Variants in ACSM2A observed in about 807,000 individuals in gnomAD.
ACSM2A encodes the protein acyl-coenzyme A synthetase ACSM2A, mitochondrial.
ACSM2A carries 72 observed loss-of-function variants against 76.6 expected under a neutral mutation model. The ratio of observed to expected loss-of-function variants is 0.94; its 90% confidence interval spans 0.78 to 1.14. The LOEUF is 1.14. Among genes scored for constraint, ACSM2A ranks in the 50% most tolerant of loss-of-function variants. The pLI is 0.00. For synonymous variants in ACSM2A, 249 were observed against 255.9 expected, an observed-to-expected ratio of 0.97 and a Z score of 0.26; for missense variants, 684 against 708.5, an observed-to-expected ratio of 0.97 and a Z score of 0.39.
At chr16:20,458,324 T>G (rs2012327434) in intron 1 of ACSM2A, among the ~76,000 whole-genome samples, 1 of 147,730 alleles carries the variant, frequency 6.8e-6, no homozygotes, top group South Asian at 2.1e-4. Flanking sequence ...TGTATCTATA[T>G]ATCTATATAT....
intron 2 of ACSM2A, among the ~76,000 whole-genome samples, chr16:20,460,608 CGTA>C (rs755427325): frequency 6.6e-4 from 99 of 151,112 alleles, no homozygotes; most frequent in Non-Finnish European, 1.1e-3. Flanking sequence ...GGTCTGGGGT[CGTA>C]GAAGAGGCGG....
At chr16:20,469,053 A>G (rs2013200972) in intron 3 of ACSM2A, among the ~76,000 whole-genome samples, 1 of 152,212 alleles carries the variant, frequency 6.6e-6, no homozygotes, top group Admixed American at 6.5e-5. Context: ...ACTCTCATCT[A>G]AGAAAAATGC....
intron 13 of ACSM2A, among the ~76,000 whole-genome samples, chr16:20,484,662 A>G (rs1216567533): frequency 1.3e-5 from 2 of 149,904 alleles, no homozygotes; most frequent in Non-Finnish European, 3.0e-5. Flanking sequence ...ACTGTGACTT[A>G]GTCTCAATGG....
intron 6 of ACSM2A, chr16:20,474,372 T>A (rs2013599221): frequency 5.6e-6 from 1 of 179,348 alleles, no homozygotes; most frequent in African/African-American, 2.4e-5. Context: ...AGAGTGGGTC[T>A]GTTATATAAA....
chr16:20,487,571 C>A lies in ACSM2A; in HGVS notation c.*893C>A, dbSNP rs2014441846. 1 of 152,232 alleles carries A rather than the reference C, an allele frequency of 6.6e-6. No homozygotes were observed. The highest frequency in any genetic ancestry group is 1.5e-5 in the Non-Finnish European group (1 of 68,038). 9.4% of individuals were successfully genotyped at this position (152,232 alleles called of 1,614,324 possible). On this transcript the variant is annotated 3_prime_UTR_variant, in exon 14 of 14. Transcript: ENST00000573854. ...AGACCTTAGATCATAGCTGTGAGAA[C>A]AACGTAAGCACTGCCAAAGTTATCA... is the stretch of plus-strand genomic sequence containing the variant.
At chr16:20,473,810 C>T (rs191923846) in intron 6 of ACSM2A, 5 of 240,968 alleles carry the variant, frequency 2.1e-5, no homozygotes, top group African/African-American at 7.1e-5. Context: ...AACATCAATA[C>T]AGACTTTAAG....
chr16:20,462,951 A>C (rs1215290251), intron 2 of ACSM2A, among the ~76,000 whole-genome samples: 1 of 151,844 alleles, frequency 6.6e-6, no homozygotes, highest in African/African-American at 2.4e-5. Context: ...ACAAAAAATA[A>C]ACCATCATTC....
intron 8 of ACSM2A, 175 bp downstream of exon 8, chr16:20,475,948 C>T (rs908015632): frequency 4.3e-6 from 6 of 1,409,830 alleles, no homozygotes; most frequent in Admixed American, 4.9e-5. Context: ...ACAAAAAAGG[C>T]AAAGTTCCTG....
At chr16:20,453,595 T>G (rs1312230649) in intron 1 of ACSM2A, 1 of 125,170 alleles carries the variant, frequency 8.0e-6, no homozygotes, top group Admixed American at 7.7e-5. Context: ...GAACAGAATA[T>G]CAGTGATTTT....
At position 20,471,676 on chromosome 16, in the gene ACSM2A, T is replaced by C. The variant is rs1463216974; in HGVS notation, c.881T>C (p.Leu294Pro). 6.2e-7 allele frequency: 1 copy of C among 1,613,506 alleles called. No homozygotes were observed. The highest frequency in any genetic ancestry group is 8.5e-7 in the Non-Finnish European group (1 of 1,179,590). Residue 294 changes from leucine to proline, a missense_variant, in exon 6 of 14, where the codon CTG becomes CCG. This residue lies in a region of ACSM2A where 519 missense variants were observed against 549.5 expected (regional missense o/e 0.94). Transcript: ENST00000573854. Reference protein sequence around the residue: ...FVHLLPKFDPLVILKTLSSYP... With the variant: ...FVHLLPKFDPPVILKTLSSYP... ...CATCTCTTGCCAAAGTTTGACCCAC[T>C]GGTTATTCTAAAGGTAAGAGAGGAT...
Position 20,480,719 on chromosome 16 carries a change from T to C in ACSM2A, c.1409+19T>C. The C allele has an allele frequency of 6.2e-7, 1 of 1,603,294 alleles. No homozygotes were observed. Among genetic ancestry groups the C allele is most frequent in the Non-Finnish European group, 8.5e-7 (1 of 1,173,472 alleles). On this transcript the variant is annotated intron_variant, in intron 11 of 13. Coordinates refer to ENST00000573854, the MANE Select transcript of ACSM2A (RefSeq NM_001308172.2). Reference sequence around the variant, plus strand: ...CCAGCGGGTGAGCTTGGTTTCTGGGTTGGGAAGGGAAATCTGGGTCTTTAC... The same window carrying C: ...CCAGCGGGTGAGCTTGGTTTCTGGGCTGGGAAGGGAAATCTGGGTCTTTAC...
Position 20,472,017 on chromosome 16 carries a change from G to A in ACSM2A, c.894+328G>A, listed in dbSNP as rs541374110. Among the ~76,000 whole-genome samples, 22 of 152,304 alleles carry A rather than the reference G, an allele frequency of 1.4e-4. 1 individual carries two copies. The South Asian group carries it at 2.3e-3, about 16-fold the overall frequency. On this transcript the variant is annotated intron_variant, in intron 6 of 13. Coordinates refer to ENST00000573854, the MANE Select transcript of ACSM2A (RefSeq NM_001308172.2). Reference sequence around the variant, plus strand: ...GAACCACGTGTAAAAGGGAAAGCTGGAGTATTGGAGGGGATGCCATCTCGC... The same window carrying A: ...GAACCACGTGTAAAAGGGAAAGCTGAAGTATTGGAGGGGATGCCATCTCGC...
In ACSM2A at chr16:20,476,612, A is replaced by T. The variant is rs887491001; in HGVS notation, c.1099-757A>T. On this transcript the variant is annotated intron_variant, in intron 8 of 13. Transcript: ENST00000573854. ...ACATGTTTAGGATATGCTTACAAGG[A>T]CACTCAGGTTCCCATGATCTTAATC... is the stretch of plus-strand genomic sequence containing the variant. The T allele has an allele frequency of 4.1e-6, 4 of 985,578 alleles. No individual in the cohort carries two copies. In the African/African-American group the frequency reaches 7.0e-5, roughly 17 times the overall value. The allele number at this position is 985,578 out of a possible 1,614,324, so 61.1% of individuals were successfully genotyped here.
chr16:20,476,089 A>G (rs1181501575), intron 8 of ACSM2A: 7 of 1,091,588 alleles, frequency 6.4e-6, no homozygotes, highest in Non-Finnish European at 6.8e-6. Flanking sequence ...AAGTTGGTAA[A>G]TCAGATATGG....
At chr16:20,461,961 A>G (rs35678742) in intron 2 of ACSM2A, among the ~76,000 whole-genome samples, 5 of 152,142 alleles carry the variant, frequency 3.3e-5, no homozygotes, top group African/African-American at 7.2e-5. Flanking sequence ...CTTAGGAATG[A>G]AATTATAGAG....
At chr16:20,483,594 A>G (rs1278308720) in intron 13 of ACSM2A, among the ~76,000 whole-genome samples, 1 of 146,810 alleles carries the variant, frequency 6.8e-6, no homozygotes, top group Non-Finnish European at 1.5e-5. Context: ...AAAAAAAAAA[A>G]AAAAAAAAGT....
rs778200383 is a variant in ACSM2A, at chr16:20,477,375, A to C, written c.1105A>C (p.Thr369Pro). 7 of 1,605,874 alleles carry C rather than the reference A, an allele frequency of 4.4e-6. No individual in the cohort carries two copies. The highest frequency in any genetic ancestry group is 6.0e-6 in the Non-Finnish European group (7 of 1,175,962). Residue 369 changes from threonine (T) to proline (P), a missense_variant, in exon 9 of 14, where the codon ACT (threonine) becomes CCT (proline). Around this residue, in one of 3 missense-constraint regions of ACSM2A, gnomAD observed 519 missense variants for 549.5 expected, o/e 0.94. Transcript: ENST00000573854. The stretch of plus-strand genomic sequence containing the variant: ...TGTCTGCTTCTTTCCACAGGGATTA[A>C]CTTGCATGGTTTCCAAGACAATGAA... Reference protein sequence around the residue: ...ESYGQTETGLTCMVSKTMKIK... With the variant: ...ESYGQTETGLPCMVSKTMKIK...
At chr16:20,465,295 A>G (rs2012914051) in intron 2 of ACSM2A, among the ~76,000 whole-genome samples, 1 of 152,204 alleles carries the variant, frequency 6.6e-6, no homozygotes. Flanking sequence ...AAAAGCATAC[A>G]TTTACAAAAA....
chr16:20,459,856 C>T lies in ACSM2A; in HGVS notation c.-8-251C>T, dbSNP rs368397849. Among the ~76,000 whole-genome samples, 241 of 152,232 alleles carry T rather than the reference C, an allele frequency of 1.6e-3. 1 individual carries two copies. Among genetic ancestry groups the T allele is most frequent in the South Asian group, 6.6e-3 (32 of 4,816 alleles). The stretch of plus-strand genomic sequence containing the variant: ...AGGGGATTTATTACATGGAAATGGG[C>T]GTTCACAAAACTGTCAGAAGTGTTG... On this transcript the variant is annotated intron_variant, in intron 1 of 13. Coordinates refer to ENST00000573854, the MANE Select transcript of ACSM2A (RefSeq NM_001308172.2).
Sources: allele counts gnomAD v4.1 joint callset (sites outside exome capture counted in the v4.1 genomes callset), GRCh38; gene constraint gnomAD v4.1.1; regional missense constraint gnomAD v4.1.1; transcripts MANE v1.5; gene names NCBI Gene and HGNC (gene_info 2026-07-23, HGNC 2026-07-21).